Variants in NEB observed in about 807,000 individuals in gnomAD.
NEB encodes the protein nebulin, also known as nemaline myopathy type 2.
A neutral mutation model predicts 952.2 loss-of-function variants in NEB; 512 were observed. The ratio of observed to expected loss-of-function variants is 0.54; its 90% CI spans 0.50 to 0.58. The LOEUF is 0.58. NEB is among the 20% of genes least tolerant of loss of function. The pLI is 0.00. For synonymous variants in NEB, 2,900 were observed against 3,149.8 expected (o/e 0.92, Z 2.66); for missense variants, 8,428 against 9,231.1 (o/e 0.91, Z 3.56).
intron 127 of NEB, 110 bp downstream of exon 127, chr2:151,553,288 C>A: frequency 1.1e-6 from 1 of 879,040 alleles, no homozygotes; most frequent in African/African-American, 1.7e-5. Context: ...CCAGCTCAGC[C>A]ACCCCCCAGA....
In NEB at chr2:151,662,159, C is replaced by T; in HGVS notation, c.5946G>A (p.Gln1982=). The change falls in exon 46 of 182, where the codon CAG becomes CAA. Residue 1982 remains glutamine, a synonymous_variant. Coordinates refer to ENST00000397345, the MANE Select transcript of NEB (RefSeq NM_001164508.2). ...CTTCGTTCATAATTTTTGCATTATT[C>T]TGGGCCAAAACCATGTTCATCGAGT... is the stretch of plus-strand genomic sequence containing the variant. ...LMDSMNMVLA[Q]NNAKIMNEHL... 6.2e-7 allele frequency: 1 copy of T among 1,612,984 alleles called. No homozygotes were observed. Among genetic ancestry groups the T allele is most frequent in the Non-Finnish European group, 8.5e-7 (1 of 1,179,382 alleles).
intron 105 of NEB, among the ~76,000 whole-genome samples, chr2:151,576,991 C>T (rs2096890037): frequency 6.6e-6 from 1 of 152,148 alleles, no homozygotes; most frequent in South Asian, 2.1e-4. Context: ...CAAAGTGATG[C>T]AGAAGCAGCT....
At chr2:151,510,661 GTTA>G (rs776004102) in intron 161 of NEB, among the ~76,000 whole-genome samples, 4 of 152,058 alleles carry the variant, frequency 2.6e-5, no homozygotes, top group Non-Finnish European at 5.9e-5. Flanking sequence ...TATTTTATTA[GTTA>G]TTGTTGTTAA....
intron 38 of NEB, among the ~76,000 whole-genome samples, chr2:151,669,572 G>A (rs1364373582): frequency 1.3e-5 from 2 of 151,974 alleles, no homozygotes; most frequent in Non-Finnish European, 2.9e-5. Context: ...AAGAGCATTC[G>A]GGACCTGAGG....
intron 153 of NEB, among the ~76,000 whole-genome samples, chr2:151,520,287 A>AAAT (rs2153403064): frequency 6.6e-6 from 1 of 152,306 alleles, no homozygotes; most frequent in East Asian, 1.9e-4. Context: ...ACTTGGCCAA[A>AAAT]AATGGTATAA....
intron 68 of NEB, 31 bp downstream of exon 68, chr2:151,629,508 C>A: frequency 6.5e-7 from 1 of 1,529,128 alleles, no homozygotes; most frequent in Middle Eastern, 1.7e-4. Context: ...CTTCATCCAT[C>A]CATGTAAATA....
At chr2:151,683,088 T>A (rs1037552609) in intron 28 of NEB, among the ~76,000 whole-genome samples, 1 of 152,196 alleles carries the variant, frequency 6.6e-6, no homozygotes, top group African/African-American at 2.4e-5. Flanking sequence ...GTTAACCAAA[T>A]GTGAGACGTT....
In NEB at chr2:151,527,956, C is replaced by G. The variant is rs186234156; in HGVS notation, c.21736-371G>C. ...TCAAACACTAGGTATTTATTTTCTG[C>G]CAGGCACTTTTCTAAGTTCTTTACA... On this transcript the variant is annotated intron_variant, in intron 146 of 181. Coordinates refer to ENST00000397345, the MANE Select transcript of NEB (RefSeq NM_001164508.2). 1.4e-4 allele frequency among the ~76,000 whole-genome samples: 21 copies of G among 152,218 alleles called. 1 individual carries two copies. The East Asian group carries it at 3.9e-3, about 28-fold the overall frequency.
rs1385533099 is a variant in NEB, at chr2:151,679,842, G to T, written c.3148-14C>A. 1.2e-6 allele frequency: 2 copies of T among 1,611,466 alleles called. No individual in the cohort carries two copies. The highest frequency in any genetic ancestry group is 4.5e-5 in the East Asian group (2 of 44,862). On this transcript the variant is annotated splice_polypyrimidine_tract_variant and intron_variant, in intron 31 of 181. Transcript: ENST00000397345. Reference sequence around the variant, plus strand: ...TTTGTACATATTCTGAAAGAAAAATGTCATTTAAGTACAACTTAGAGACTG... The same window carrying T: ...TTTGTACATATTCTGAAAGAAAAATTTCATTTAAGTACAACTTAGAGACTG...
chr2:151,540,775 T>C lies in NEB; in HGVS notation c.20709A>G (p.Lys6903=), dbSNP rs1374879263. The part of the protein sequence containing the change: ...SQYLYVELAT[K]ERPHHHAGNQ... ...TTCCAGCGTGATGATGGGGTCTCTCTTTGGTGGCAAGTTCAACATACAGAT... is the reference window on the plus strand; with the variant it reads ...TTCCAGCGTGATGATGGGGTCTCTCCTTGGTGGCAAGTTCAACATACAGAT... The change falls in exon 137 of 182, where the codon AAA becomes AAG. Residue 6903 remains lysine, a synonymous_variant. Coordinates refer to ENST00000397345, the MANE Select transcript of NEB (RefSeq NM_001164508.2). 2 of 1,613,544 alleles carry C rather than the reference T, an allele frequency of 1.2e-6. No homozygotes were observed.
chr2:151,664,755 T>A lies in NEB; in HGVS notation c.5343+4A>T. 1.2e-6 allele frequency: 2 copies of A among 1,601,342 alleles called. No individual in the cohort carries two copies. Among genetic ancestry groups the A allele is most frequent in the Non-Finnish European group, 1.7e-6 (2 of 1,170,014 alleles). On this transcript the variant is annotated splice_donor_region_variant and intron_variant, in intron 43 of 181. Transcript: ENST00000397345. ...CCAGCTTTTGCTGTTGTTAACCTAC[T>A]TACATCACTCATGGTGATTTGGTTT...
chr2:151,648,078 A>T (rs2098983144), intron 54 of NEB, among the ~76,000 whole-genome samples: 1 of 152,208 alleles, frequency 6.6e-6, no homozygotes, highest in South Asian at 2.1e-4. Flanking sequence ...AAAAAGAGAA[A>T]GCAAATGTGG....
intron 71 of NEB, among the ~76,000 whole-genome samples, chr2:151,621,941 T>C (rs980044101): frequency 6.6e-6 from 1 of 152,140 alleles, no homozygotes. Flanking sequence ...CTCATGGTGG[T>C]TTGATTACAA....
Position 151,525,988 on chromosome 2 carries a change from G to A in NEB, c.22131C>T (p.His7377=), listed in dbSNP as rs777069125. Residue 7377 remains histidine (H), a synonymous_variant, in exon 150 of 182, where the codon CAC becomes CAT. Transcript: ENST00000397345. ...TTLPETRDTV[H]VKEVTKHVSD... is the part of the protein sequence containing the mutation. ...TGACATGCTTGGTCACTTCCTTGAC[G>A]TGAACAGTGTCCCGGGTCTCTGGTA... The A allele has an allele frequency of 8.1e-6, 13 of 1,613,958 alleles. No individual in the cohort carries two copies. Among genetic ancestry groups the A allele is most frequent in the East Asian group, 4.5e-5 (2 of 44,884 alleles).
chr2:151,727,589 AG>A, intron 5 of NEB, 101 bp downstream of exon 5: 1 of 1,182,132 alleles, frequency 8.5e-7, no homozygotes, highest in Non-Finnish European at 1.2e-6. Context: ...TGTTTCATAC[AG>A]GTTTGAGAAA....
intron 181 of NEB, among the ~76,000 whole-genome samples, chr2:151,487,766 C>CAT (rs141261492): frequency 0.03 from 4,602 of 151,550 alleles, 122 homozygotes; most frequent in East Asian, 0.14. Context: ...TACATACACA[C>CAT]ATATATATAT....
chr2:151,721,657 A>G (rs1222004785), intron 9 of NEB, among the ~76,000 whole-genome samples: 1 of 152,186 alleles, frequency 6.6e-6, no homozygotes, highest in South Asian at 2.1e-4. Context: ...TATAAATTCT[A>G]AGAGGAAAGG....
chr2:151,680,787 C>T lies in NEB; in HGVS notation c.2985G>A (p.Ser995=), dbSNP rs574544074. Residue 995 remains serine (S), a synonymous_variant, in exon 30 of 182, where the codon TCG becomes TCA. Coordinates refer to ENST00000397345, the MANE Select transcript of NEB (RefSeq NM_001164508.2). ...RQHPDTLKFT[S]IEDAPITVQS... ...GTACTGTAATTGGAGCATCTTCAATCGAGGTAAACTTGAGGGTGTCTGGAT... is the reference window on the plus strand; with the variant it reads ...GTACTGTAATTGGAGCATCTTCAATTGAGGTAAACTTGAGGGTGTCTGGAT... 9 of 1,613,432 alleles carry T rather than the reference C, an allele frequency of 5.6e-6. No homozygotes were observed. Among genetic ancestry groups the T allele is most frequent in the Admixed American group, 5.0e-5 (3 of 60,006 alleles).
intron 46 of NEB, 82 bp downstream of exon 46, chr2:151,662,053 T>C: frequency 1.6e-6 from 2 of 1,264,868 alleles, no homozygotes; most frequent in Non-Finnish European, 2.2e-6. Flanking sequence ...ATAACTGTAT[T>C]AGCAAAACCT....
Sources: gnomAD v4.1 joint callset for allele counts (sites outside exome capture counted in the v4.1 genomes callset) on GRCh38, gnomAD v4.1.1 for gene constraint, MANE v1.5 for transcripts, NCBI Gene and HGNC (gene_info 2026-07-23, HGNC 2026-07-21) for gene names.